The following VWC2L variants were observed in gnomAD, a reference collection of about 807,000 sequenced individuals.
The protein encoded by VWC2L is von Willebrand factor C domain-containing protein 2-like.
VWC2L carries 10 observed loss-of-function variants against 21.6 expected under a neutral mutation model. That is an observed-to-expected ratio of 0.46 (90% CI 0.29 to 0.78). The LOEUF is 0.78. Ranked by LOEUF, VWC2L falls within the 30% of genes least tolerant of loss-of-function variation. The pLI, the probability that VWC2L is intolerant of heterozygous loss-of-function variation, is 0.10. For synonymous variants in VWC2L, 96 were observed against 94.3 expected, an observed-to-expected ratio of 1.02 and a Z score of -0.10; for missense variants, 209 against 277.1, an observed-to-expected ratio of 0.75 and a Z score of 1.74.
chr2:214,452,971 CA>C (rs1702998952), intron 3 of VWC2L, among the ~76,000 whole-genome samples: 1 of 152,148 alleles, frequency 6.6e-6, no homozygotes, highest in Non-Finnish European at 1.5e-5. Flanking sequence ...ATTCTGTAGA[CA>C]AGTCCTTTAT....
chr2:214,470,642 C>T (rs911500280), intron 3 of VWC2L, among the ~76,000 whole-genome samples: 1 of 152,040 alleles, frequency 6.6e-6, no homozygotes, highest in South Asian at 2.1e-4. Flanking sequence ...CGTGCAGTGG[C>T]TCACACCTGT....
intron 3 of VWC2L, among the ~76,000 whole-genome samples, chr2:214,546,196 G>A (rs1188129695): frequency 6.6e-6 from 1 of 152,096 alleles, no homozygotes; most frequent in African/African-American, 2.4e-5. Context: ...TCACAGTATT[G>A]AATCTTTCAT....
At chr2:214,565,090 A>G (rs1690041900) in intron 3 of VWC2L, among the ~76,000 whole-genome samples, 1 of 152,224 alleles carries the variant, frequency 6.6e-6, no homozygotes, top group Non-Finnish European at 1.5e-5. Context: ...AATCCCTGCA[A>G]GTCAGCTGGA....
intron 2 of VWC2L, 150 bp from the exon 3 acceptor site, chr2:214,436,479 C>A: frequency 2.8e-6 from 3 of 1,076,930 alleles, no homozygotes; most frequent in African/African-American, 1.6e-5. Context: ...ACTTGCCTTC[C>A]ACCAAGGGAG....
chr2:214,513,762 A>T (rs138879205), intron 3 of VWC2L, among the ~76,000 whole-genome samples: 38 of 152,116 alleles, frequency 2.5e-4, no homozygotes, highest in African/African-American at 9.2e-4. Flanking sequence ...ATAAAACAGA[A>T]CCCTCTATAC....
chr2:214,535,970 C>T lies in VWC2L; in HGVS notation c.521-39702C>T, dbSNP rs577084595. Reference sequence around the variant, plus strand: ...CAAACCTAAGCTTTACCTGGGCAGTCCTGCTGTTACACCCATTTAAATTTC... The same window carrying T: ...CAAACCTAAGCTTTACCTGGGCAGTTCTGCTGTTACACCCATTTAAATTTC... On this transcript the variant is annotated intron_variant, in intron 3 of 3. Coordinates refer to ENST00000312504, the MANE Select transcript of VWC2L (RefSeq NM_001080500.4). 2.0e-5 allele frequency among the ~76,000 whole-genome samples: 3 copies of T among 152,146 alleles called. No individual in the cohort carries two copies. In the East Asian group the frequency reaches 5.8e-4, roughly 29 times the overall value.
chr2:214,418,435 T>C (rs1480701960), intron 2 of VWC2L, among the ~76,000 whole-genome samples: 2 of 152,142 alleles, frequency 1.3e-5, no homozygotes, highest in African/African-American at 4.8e-5. Context: ...CTGCAGAATC[T>C]AAGCTCCTCA....
intron 2 of VWC2L, among the ~76,000 whole-genome samples, chr2:214,417,078 C>T (rs1000568479): frequency 6.6e-6 from 1 of 152,102 alleles, no homozygotes; most frequent in African/African-American, 2.4e-5. Flanking sequence ...TAGCCATAAT[C>T]TGTCATCTTG....
chr2:214,532,144 T>G (rs1223493132), intron 3 of VWC2L, among the ~76,000 whole-genome samples: 1 of 152,096 alleles, frequency 6.6e-6, no homozygotes, highest in Non-Finnish European at 1.5e-5. Flanking sequence ...CCTGCTTCAT[T>G]AGTTGACATA....
At chr2:214,474,485 A>G (rs1688472024) in intron 3 of VWC2L, among the ~76,000 whole-genome samples, 1 of 152,178 alleles carries the variant, frequency 6.6e-6, no homozygotes, top group Admixed American at 6.5e-5. Flanking sequence ...TTACAGAAAG[A>G]AAAAAATGCA....
chr2:214,494,135 C>T (rs1688780230), intron 3 of VWC2L, among the ~76,000 whole-genome samples: 1 of 152,106 alleles, frequency 6.6e-6, no homozygotes, highest in Admixed American at 6.6e-5. Flanking sequence ...TCCACTGTAT[C>T]CTCATCTACT....
rs533860513 is a variant in VWC2L, at chr2:214,460,795, T to A, written c.520+24037T>A. 3.4e-5 allele frequency among the ~76,000 whole-genome samples: 5 copies of A among 147,396 alleles called. 1 individual carries two copies. The East Asian group carries it at 1.0e-3, about 31-fold the overall frequency. On this transcript the variant is annotated intron_variant, in intron 3 of 3. Coordinates refer to ENST00000312504, the MANE Select transcript of VWC2L (RefSeq NM_001080500.4). ...TCATTGGAATGTGTTACTGGTGAATTATTGTGTTTTTTTAGGTGTTACATT... is the reference window on the plus strand; with the variant it reads ...TCATTGGAATGTGTTACTGGTGAATAATTGTGTTTTTTTAGGTGTTACATT...
At chr2:214,519,717 T>G (rs1689201934) in intron 3 of VWC2L, among the ~76,000 whole-genome samples, 1 of 152,164 alleles carries the variant, frequency 6.6e-6, no homozygotes, top group Admixed American at 6.5e-5. Flanking sequence ...TCCACTGGTC[T>G]ATGGTGATGG....
At position 214,554,423 on chromosome 2, in the gene VWC2L, G is replaced by A. The variant is rs537108630; in HGVS notation, c.521-21249G>A. 3.8e-4 allele frequency among the ~76,000 whole-genome samples: 58 copies of A among 152,190 alleles called. 1 individual carries two copies. The highest frequency in any genetic ancestry group is 9.6e-4 in the African/African-American group (40 of 41,524). On this transcript the variant is annotated intron_variant, in intron 3 of 3. Transcript: ENST00000312504. ...GCCTTGCCTGTAATCCCAGCACTTT[G>A]GGGGCCGAGGCGGGTGGATCACCTG... is the stretch of plus-strand genomic sequence containing the variant.
intron 2 of VWC2L, among the ~76,000 whole-genome samples, 154 bp from the exon 3 acceptor site, chr2:214,436,475 C>T (rs1195980083): frequency 6.6e-6 from 1 of 152,098 alleles, no homozygotes; most frequent in Non-Finnish European, 1.5e-5. Flanking sequence ...TCTAACTTGC[C>T]TTCCACCAAG....
chr2:214,446,719 C>T (rs532473875), intron 3 of VWC2L, among the ~76,000 whole-genome samples: 2 of 152,106 alleles, frequency 1.3e-5, no homozygotes, highest in African/African-American at 4.8e-5. Flanking sequence ...CCAGTCCCCC[C>T]ACAAAACATA....
chr2:214,478,485 C>A (rs1688557472), intron 3 of VWC2L, among the ~76,000 whole-genome samples: 2 of 150,154 alleles, frequency 1.3e-5, no homozygotes, highest in Non-Finnish European at 3.0e-5. Context: ...AAAAAAACAA[C>A]AAAAAACAAC....
chr2:214,427,128 C>A (rs1288382914), intron 2 of VWC2L, among the ~76,000 whole-genome samples: 1 of 152,166 alleles, frequency 6.6e-6, no homozygotes, highest in African/African-American at 2.4e-5. Context: ...GTTAATAATT[C>A]TTGCAGTCTT....
chr2:214,523,260 A>C (rs1689272237), intron 3 of VWC2L, among the ~76,000 whole-genome samples: 1 of 152,216 alleles, frequency 6.6e-6, no homozygotes, highest in Admixed American at 6.5e-5. Flanking sequence ...TTCTTGAGAA[A>C]AGTGTTACTG....
Sources: gnomAD v4.1 joint callset for allele counts (sites outside exome capture counted in the v4.1 genomes callset) on GRCh38, gnomAD v4.1.1 for gene constraint, MANE v1.5 for transcripts, NCBI Gene and HGNC (gene_info 2026-07-23, HGNC 2026-07-21) for gene names.